The following CP variants were observed in gnomAD, a reference collection of about 807,000 sequenced individuals.
The protein encoded by CP is ceruloplasmin.
A neutral mutation model predicts 122.4 loss-of-function variants in CP; 64 were observed. The ratio of observed to expected loss-of-function variants is 0.52; its 90% CI spans 0.43 to 0.64. The LOEUF (loss-of-function observed/expected upper bound fraction) is 0.64, where lower values mean the gene tolerates loss of function less well. Among genes scored for constraint, CP ranks in the 30% least tolerant of loss-of-function variants. The probability of loss-of-function intolerance (pLI) is 0.00; values close to 1 mark genes in which losing one functional copy is unlikely to be tolerated. For missense variants in CP, 1,167 were observed against 1,284.4 expected, an observed-to-expected ratio of 0.91 and a Z score of 1.40; for synonymous variants, 440 against 436.4, an observed-to-expected ratio of 1.01 and a Z score of -0.10.
chr3:149,218,570 A>G (rs1284736596), intron 1 of CP, among the ~76,000 whole-genome samples: 1 of 152,194 alleles, frequency 6.6e-6, no homozygotes, highest in East Asian at 1.9e-4. Context: ...CTAACCCTGC[A>G]TATAATCCCC....
chr3:149,179,428 G>C, intron 15 of CP, 128 bp downstream of exon 15: 1 of 749,478 alleles, frequency 1.3e-6, no homozygotes, highest in Admixed American at 2.0e-5. Context: ...TGCTAAAGTA[G>C]ATTGCAAACA....
intron 4 of CP, chr3:149,166,971 T>C (rs1357954874): frequency 1.6e-6 from 2 of 1,255,228 alleles, no homozygotes; most frequent in African/African-American, 1.5e-5. Flanking sequence ...AATTGAATTC[T>C]GCATGTTGTG....
intron 4 of CP, among the ~76,000 whole-genome samples, chr3:149,208,371 T>A (rs1163163066): frequency 6.6e-6 from 1 of 152,194 alleles, no homozygotes; most frequent in Non-Finnish European, 1.5e-5. Context: ...GAGTATCTTT[T>A]TATAACAACT....
downstream of CP, chr3:149,172,096 A>G (rs1725052667): frequency 6.2e-7 from 1 of 1,612,968 alleles, no homozygotes; most frequent in East Asian, 2.2e-5. Context: ...TCTACACAGA[A>G]ACATTGTCAA....
chr3:149,172,165 T>G (rs778369550), downstream of CP: 26 of 1,613,122 alleles, frequency 1.6e-5, no homozygotes, highest in Admixed American at 4.3e-4. Context: ...AAGATGGTAC[T>G]GCAACATTTT....
chr3:149,179,708 T>G, intron 14 of CP, 46 bp from the exon 15 acceptor site: 1 of 964,876 alleles, frequency 1.0e-6, no homozygotes, highest in South Asian at 1.4e-5. Flanking sequence ...TTGGTTTATA[T>G]TGTACACACA....
chr3:149,210,037 T>G, intron 3 of CP, 130 bp downstream of exon 3: 1 of 838,094 alleles, frequency 1.2e-6, no homozygotes, highest in South Asian at 1.6e-5. Flanking sequence ...CCCTTCCTTT[T>G]TTTCTACTTA....
rs1433947955 is a variant in CP, at chr3:149,207,533, C to G, written c.866G>C (p.Gly289Ala). The change falls in exon 5 of 19, where the codon GGT becomes GCT. Residue 289 changes from glycine to alanine, a missense_variant. Physicochemically the swap from Gly to Ala is moderately conservative, Grantham distance 60. This residue lies in a region of CP where 642 missense variants were observed against 627.3 expected (regional missense o/e 1.02). Transcript: ENST00000264613. ...AGCTGCGTGCACATCAACTTCATTA[C>G]CCATACCAAAAAGGTACCATTTTAC... ...DRVKWYLFGM[G>A]NEVDVHAAFF... 1 of 1,613,964 alleles carries G rather than the reference C, an allele frequency of 6.2e-7. No homozygotes were observed. Among genetic ancestry groups the G allele is most frequent in the African/African-American group, 1.3e-5 (1 of 75,042 alleles).
At chr3:149,179,532 C>A in intron 15 of CP, 24 bp downstream of exon 15, 1 of 1,573,366 alleles carries the variant, frequency 6.4e-7, no homozygotes, top group South Asian at 1.1e-5. Context: ...GGAAGTGTCA[C>A]AAAACAAATG....
At chr3:149,213,523 G>A (rs757175413) in intron 1 of CP, among the ~76,000 whole-genome samples, 5 of 152,126 alleles carry the variant, frequency 3.3e-5, no homozygotes, top group Non-Finnish European at 7.3e-5. Context: ...ATCTATTCAT[G>A]GGCAACATCA....
chr3:149,171,104 C>G (rs889585904), downstream of CP, among the ~76,000 whole-genome samples: 13 of 152,200 alleles, frequency 8.5e-5, no homozygotes, highest in Admixed American at 7.2e-4. Context: ...ATGGTGAAAC[C>G]CTGTCTCTAC....
intron 9 of CP, among the ~76,000 whole-genome samples, chr3:149,196,170 T>A (rs1726886084): frequency 6.6e-6 from 1 of 152,192 alleles, no homozygotes; most frequent in South Asian, 2.1e-4. Context: ...GTAATTGTGA[T>A]TCTGAGACTG....
intron 6 of CP, 122 bp downstream of exon 6, chr3:149,206,046 T>A: frequency 1.2e-6 from 1 of 841,168 alleles, no homozygotes; most frequent in Non-Finnish European, 1.9e-6. Flanking sequence ...AATAAATATT[T>A]AGCAGTCTAG....
At chr3:149,172,234 G>T, downstream of CP, 1 of 1,596,720 alleles carries the variant, frequency 6.3e-7, no homozygotes. Context: ...GGTATCATTT[G>T]AAAAATACCA....
intron 17 of CP, among the ~76,000 whole-genome samples, chr3:149,177,372 A>G (rs577190866): frequency 6.6e-6 from 1 of 152,304 alleles, no homozygotes; most frequent in Admixed American, 6.5e-5. Flanking sequence ...ATGTGTAACA[A>G]AGGCTAGTGT....
downstream of CP, among the ~76,000 whole-genome samples, chr3:149,171,075 C>G (rs891649531): frequency 2.6e-5 from 4 of 152,092 alleles, no homozygotes; most frequent in Non-Finnish European, 4.4e-5. Context: ...GTCAAGAGAT[C>G]GAGACCATCC....
intron 1 of CP, 44 bp downstream of exon 1, chr3:149,221,603 T>A: frequency 2.6e-6 from 4 of 1,567,544 alleles, no homozygotes; most frequent in Non-Finnish European, 3.5e-6. Flanking sequence ...CCTTTAAAAA[T>A]AACTTAAAAT....
At position 149,186,615 on chromosome 3, in the gene CP, G is replaced by A; in HGVS notation, c.1982C>T (p.Ser661Leu). 3 of 1,614,172 alleles carry A rather than the reference G, an allele frequency of 1.9e-6. No individual in the cohort carries two copies. Among genetic ancestry groups the A allele is most frequent in the Non-Finnish European group, 2.5e-6 (3 of 1,180,020 alleles). ...NEADVHGIYFSGNTYLWRGER... is the reference protein window; with the variant it reads ...NEADVHGIYFLGNTYLWRGER... The stretch of plus-strand genomic sequence containing the variant: ...TCCTCTCCACAGATATGTGTTTCCT[G>A]AAAAGTATATTCCATGTACATCGGC... The change falls in exon 11 of 19, where the codon TCA (serine) becomes TTA (leucine). Residue 661 changes from serine (S) to leucine (L), a missense_variant. Ser to Leu is a moderately radical substitution (Grantham distance 145). Around this residue, in one of 2 missense-constraint regions of CP, gnomAD observed 525 missense variants for 657.2 expected, o/e 0.80. Transcript: ENST00000264613.
At position 149,162,844 on chromosome 3, in the gene CP, C is replaced by T. The variant is rs1376371250; in HGVS notation, c.*45G>A. The T allele has an allele frequency of 4.3e-6, 7 of 1,613,888 alleles. No individual in the cohort carries two copies. In the South Asian group the frequency reaches 5.5e-5, roughly 13 times the overall value. The stretch of plus-strand genomic sequence containing the variant: ...TGGAGATTGTCTAAGAGGCAGCCTC[C>T]TGACACCACACCATTGCGAACATCG... On this transcript the variant is annotated 3_prime_UTR_variant, in exon 6 of 6. Transcript: ENST00000479771.
Sources: allele counts gnomAD v4.1 joint callset (sites outside exome capture counted in the v4.1 genomes callset), GRCh38; gene constraint gnomAD v4.1.1; regional missense constraint gnomAD v4.1.1; transcripts MANE v1.5; gene names NCBI Gene and HGNC (gene_info 2026-07-23, HGNC 2026-07-21).